Variants in NSUN6 observed in about 807,000 individuals in gnomAD.
The protein encoded by NSUN6 is tRNA (cytosine(72)-C(5))-methyltransferase NSUN6.
In NSUN6, 64 loss-of-function variants were observed where a neutral mutation model predicts 58.0. That is an observed-to-expected ratio of 1.10 (90% CI 0.90 to 1.36). The LOEUF (loss-of-function observed/expected upper bound fraction) is 1.36, where lower values mean the gene tolerates loss of function less well. Among genes scored for constraint, NSUN6 ranks in the 40% most tolerant of loss-of-function variants. The pLI, the probability that NSUN6 is intolerant of heterozygous loss-of-function variation, is 0.00. For synonymous variants in NSUN6, 231 were observed against 193.9 expected (o/e 1.19, Z -1.59); for missense variants, 701 against 550.1 (o/e 1.27, Z -2.74).
chr10:18,586,989 AG>A (rs1400568681), intron 7 of NSUN6, among the ~76,000 whole-genome samples: 3 of 152,206 alleles, frequency 2.0e-5, no homozygotes, highest in Non-Finnish European at 4.4e-5. Context: ...CACTCGACCC[AG>A]GAAGTCCAGT....
At chr10:18,574,308 G>A (rs958015065) in intron 8 of NSUN6, among the ~76,000 whole-genome samples, 2 of 152,050 alleles carry the variant, frequency 1.3e-5, no homozygotes, top group African/African-American at 4.8e-5. Flanking sequence ...CAGAGAGCAG[G>A]GAGATGGCTT....
chr10:18,551,050 G>C (rs1298307572), intron 9 of NSUN6, among the ~76,000 whole-genome samples: 1 of 152,076 alleles, frequency 6.6e-6, no homozygotes, highest in Non-Finnish European at 1.5e-5. Flanking sequence ...TTAAAAAAAA[G>C]AGTAATTTAT....
At chr10:18,613,223 A>C (rs2058298464) in intron 5 of NSUN6, among the ~76,000 whole-genome samples, 1 of 152,096 alleles carries the variant, frequency 6.6e-6, no homozygotes, top group African/African-American at 2.4e-5. Flanking sequence ...CAGCATCCTG[A>C]GTAGCTGCGA....
chr10:18,651,850 CA>C (rs2059715787), upstream of NSUN6: 7 of 985,414 alleles, frequency 7.1e-6, no homozygotes, highest in Non-Finnish European at 8.4e-6. Flanking sequence ...GGCTAGGTGC[CA>C]GGGGCAATGG....
At chr10:18,551,293 G>T (rs968661808) in intron 9 of NSUN6, among the ~76,000 whole-genome samples, 1 of 54,060 alleles carries the variant, frequency 1.8e-5, no homozygotes, top group South Asian at 5.4e-4. Context: ...TGTGTGTGTG[G>T]TAAAATATAA....
At chr10:18,646,570 C>T (rs995763334) in intron 2 of NSUN6, among the ~76,000 whole-genome samples, 3 of 152,092 alleles carry the variant, frequency 2.0e-5, no homozygotes, top group Admixed American at 1.3e-4. Context: ...TAAAGCCAGG[C>T]ACAAGGCCTC....
intron 8 of NSUN6, among the ~76,000 whole-genome samples, chr10:18,555,299 G>A (rs540496819): frequency 6.6e-6 from 1 of 151,076 alleles, no homozygotes; most frequent in Admixed American, 6.6e-5. Context: ...GGAATGGAAT[G>A]GAGAATGGAA....
chr10:18,559,631 A>C (rs1170804576), intron 8 of NSUN6, among the ~76,000 whole-genome samples: 1 of 150,274 alleles, frequency 6.7e-6, no homozygotes, highest in Non-Finnish European at 1.5e-5. Flanking sequence ...GGAATGGAGA[A>C]TGGAATGGAA....
At chr10:18,634,506 C>A (rs1482870949) in intron 3 of NSUN6, among the ~76,000 whole-genome samples, 1 of 151,818 alleles carries the variant, frequency 6.6e-6, no homozygotes, top group Non-Finnish European at 1.5e-5. Context: ...AATCCCTGCA[C>A]TTTGGGAGGC....
chr10:18,612,181 A>G (rs2058261110), intron 5 of NSUN6, among the ~76,000 whole-genome samples: 1 of 152,108 alleles, frequency 6.6e-6, no homozygotes, highest in Non-Finnish European at 1.5e-5. Context: ...GCACTTTGGG[A>G]GGCCAAGGTG....
At chr10:18,546,295 A>G in intron 10 of NSUN6, 150 bp from the exon 11 acceptor site, 1 of 676,140 alleles carries the variant, frequency 1.5e-6, no homozygotes, top group Non-Finnish European at 2.7e-6. Flanking sequence ...TTGGTGGAAC[A>G]TACGTGCTGC....
chr10:18,615,873 A>T (rs1403878217), intron 4 of NSUN6, among the ~76,000 whole-genome samples: 2 of 152,082 alleles, frequency 1.3e-5, no homozygotes, highest in Non-Finnish European at 2.9e-5. Flanking sequence ...CAGCTTTCTG[A>T]GGTTTTAAGG....
At chr10:18,611,202 T>TAA (rs142146397) in intron 5 of NSUN6, among the ~76,000 whole-genome samples, 1 of 151,754 alleles carries the variant, frequency 6.6e-6, no homozygotes. Flanking sequence ...ATAAAATTTT[T>TAA]AAAAAAATTT....
chr10:18,548,643 T>C (rs950632838), intron 9 of NSUN6, among the ~76,000 whole-genome samples: 6 of 152,210 alleles, frequency 3.9e-5, no homozygotes, highest in Non-Finnish European at 8.8e-5. Flanking sequence ...GTCTCACTGT[T>C]GCCCAGTCTT....
rs564837641 is a variant in NSUN6, at chr10:18,638,381, GC to G, written c.311+4094del. ...CACTTGAACCCAGGAGGCGGAGGTT[GC>G]AGTGAGCCAAGATCGTGCCACTGCA... On this transcript the variant is annotated intron_variant, in intron 3 of 10. Coordinates refer to ENST00000377304, the MANE Select transcript of NSUN6 (RefSeq NM_182543.5). Among the ~76,000 whole-genome samples, 730 of 152,288 alleles carry G rather than the reference GC, an allele frequency of 4.8e-3. 3 individuals are homozygous for G. Among genetic ancestry groups the G allele is most frequent in the African/African-American group, 0.015 (605 of 41,566 alleles).
Position 18,563,830 on chromosome 10 carries a change from T to C in NSUN6, c.923-11859A>G, listed in dbSNP as rs2055724991. 2.0e-5 allele frequency among the ~76,000 whole-genome samples: 3 copies of C among 150,738 alleles called. No individual in the cohort carries two copies. The South Asian group carries it at 6.3e-4, about 32-fold the overall frequency. On this transcript the variant is annotated intron_variant, in intron 8 of 10. Transcript: ENST00000377304. ...CATTAAATTACATTCCACTACACTC[T>C]CCACTCCATTCCATTCAATCCTCCC...
intron 8 of NSUN6, among the ~76,000 whole-genome samples, chr10:18,566,804 CCATTCCATACCATTTTT>C (rs1398344374): frequency 1.3e-5 from 2 of 150,922 alleles, no homozygotes; most frequent in African/African-American, 4.9e-5. Flanking sequence ...CTTCAATTCT[CCATTCCATACCATTTTT>C]CATTCCATTC....
chr10:18,620,322 C>T (rs1293925961), intron 3 of NSUN6, among the ~76,000 whole-genome samples: 4 of 152,010 alleles, frequency 2.6e-5, no homozygotes, highest in Non-Finnish European at 5.9e-5. Context: ...CTCCTGACTT[C>T]GTGATCCGCC....
chr10:18,655,484 T>C (rs2059767046), upstream of NSUN6, among the ~76,000 whole-genome samples: 2 of 152,202 alleles, frequency 1.3e-5, no homozygotes, highest in African/African-American at 2.4e-5. Flanking sequence ...TTAATATACA[T>C]GTACTGAAGG....
Sources: gnomAD v4.1 joint callset for allele counts (sites outside exome capture counted in the v4.1 genomes callset) on GRCh38, gnomAD v4.1.1 for gene constraint, MANE v1.5 for transcripts, NCBI Gene and HGNC (gene_info 2026-07-23, HGNC 2026-07-21) for gene names.